The following KIF26B variants were observed in gnomAD, a reference collection of about 807,000 sequenced individuals.
The protein encoded by KIF26B is kinesin-like protein KIF26B.
A neutral mutation model predicts 151.2 loss-of-function variants in KIF26B; 63 were observed. That is an observed-to-expected ratio of 0.42 (90% CI 0.34 to 0.51). KIF26B has a LOEUF of 0.51. KIF26B is among the 20% of genes least tolerant of loss of function. KIF26B has a pLI of 0.07. For synonymous variants in KIF26B, 1,357 were observed against 1,262.1 expected (o/e 1.08, Z -1.59); for missense variants, 2,813 against 2,913.6 (o/e 0.97, Z 0.79).
chr1:245,185,921 C>T (rs1668993176), intron 2 of KIF26B, among the ~76,000 whole-genome samples: 2 of 152,058 alleles, frequency 1.3e-5, no homozygotes, highest in South Asian at 4.1e-4. Flanking sequence ...GTCGCCCAAG[C>T]TGGAGTGCGG....
intron 2 of KIF26B, among the ~76,000 whole-genome samples, chr1:245,249,290 A>G (rs1422666191): frequency 6.6e-6 from 1 of 151,674 alleles, no homozygotes; most frequent in Non-Finnish European, 1.5e-5. Flanking sequence ...TAGAAGAGAC[A>G]GGGTTTCACT....
At chr1:245,436,470 C>T (rs1429108912) in intron 4 of KIF26B, among the ~76,000 whole-genome samples, 1 of 152,166 alleles carries the variant, frequency 6.6e-6, no homozygotes, top group African/African-American at 2.4e-5. Context: ...CTGTGGTGTG[C>T]AAAGCTAAAG....
Position 245,367,425 on chromosome 1 carries a change from TA to T in KIF26B, c.999+59del. 1 of 1,435,396 alleles carries T rather than the reference TA, an allele frequency of 7.0e-7. No homozygotes were observed. Among genetic ancestry groups the T allele is most frequent in the Non-Finnish European group, 9.4e-7 (1 of 1,062,854 alleles). The allele number at this position is 1,435,396 out of a possible 1,614,324, so 88.9% of individuals were successfully genotyped here. ...GCTGGCTGGAGTCAAAGCGGAGAAG[TA>T]GGCAGCACTTCCTTCCGCTGCCTCC... On this transcript the variant is annotated intron_variant, in intron 3 of 14. Transcript: ENST00000407071. The surrounding 1 kb of genome is among the most constrained non-coding windows in gnomAD (Gnocchi z 4.2).
At chr1:245,287,128 A>T (rs553587081) in intron 2 of KIF26B, among the ~76,000 whole-genome samples, 38 of 152,296 alleles carry the variant, frequency 2.5e-4, no homozygotes, top group Non-Finnish European at 4.6e-4. Context: ...AAAATTTTTT[A>T]AAAAATTTTC....
intron 3 of KIF26B, among the ~76,000 whole-genome samples, chr1:245,403,393 C>A (rs1303410149): frequency 6.6e-6 from 1 of 152,226 alleles, no homozygotes; most frequent in South Asian, 2.1e-4. Context: ...ATTCTATTTC[C>A]TCAGTGGGCA....
intron 2 of KIF26B, among the ~76,000 whole-genome samples, chr1:245,259,934 CAAAAAAAAA>C (rs35913005): frequency 4.2e-5 from 3 of 72,016 alleles, no homozygotes; most frequent in African/African-American, 1.7e-4. Context: ...GGTCCTGTCT[CAAAAAAAAA>C]AAAAAAAAAA....
chr1:245,417,649 G>A (rs1674452876), intron 3 of KIF26B, among the ~76,000 whole-genome samples: 1 of 152,198 alleles, frequency 6.6e-6, no homozygotes, highest in African/African-American at 2.4e-5. Context: ...TTCTAGTCAG[G>A]AAGCTCGTGC....
chr1:245,173,651 C>T (rs188724340), intron 2 of KIF26B, among the ~76,000 whole-genome samples: 3 of 152,318 alleles, frequency 2.0e-5, no homozygotes, highest in Non-Finnish European at 4.4e-5. Flanking sequence ...GCCCTTCCTG[C>T]TCCCCGGCCT....
intron 3 of KIF26B, among the ~76,000 whole-genome samples, chr1:245,407,947 C>T (rs1674175902): frequency 7.2e-6 from 1 of 137,936 alleles, no homozygotes; most frequent in South Asian, 2.1e-4. Flanking sequence ...GAGGGGGTGG[C>T]GCTGATCATT....
intron 10 of KIF26B, among the ~76,000 whole-genome samples, chr1:245,682,700 A>G (rs1175437904): frequency 6.7e-6 from 1 of 149,260 alleles, no homozygotes. Context: ...CTACTCATGT[A>G]AGACCTGACT....
chr1:245,302,988 CAAA>C (rs74163037), intron 2 of KIF26B, among the ~76,000 whole-genome samples: 7 of 35,816 alleles, frequency 2.0e-4, no homozygotes, highest in East Asian at 1.1e-3. Context: ...GACTCTGTCT[CAAA>C]AAAAAAAAAA....
intron 2 of KIF26B, among the ~76,000 whole-genome samples, chr1:245,345,703 C>G (rs1039030562): frequency 2.0e-5 from 3 of 152,016 alleles, no homozygotes; most frequent in African/African-American, 7.3e-5. Context: ...CTCGTGAGAT[C>G]TGGTTGTTTA....
At chr1:245,588,812 C>T (rs2043255244) in intron 5 of KIF26B, among the ~76,000 whole-genome samples, 2 of 152,126 alleles carry the variant, frequency 1.3e-5, no homozygotes, top group Non-Finnish European at 2.9e-5. Context: ...TGGAATTGAA[C>T]AGATGCAGTC....
At chr1:245,591,288 A>G (rs1021470252) in intron 5 of KIF26B, among the ~76,000 whole-genome samples, 1 of 152,202 alleles carries the variant, frequency 6.6e-6, no homozygotes, top group African/African-American at 2.4e-5. Context: ...GTCTGCCTTC[A>G]GAGTTCATAG....
At chr1:245,661,126 A>G (rs12404617) in intron 10 of KIF26B, among the ~76,000 whole-genome samples, 48,640 of 151,070 alleles carry the variant, frequency 0.32, 9,710 homozygotes, top group Non-Finnish European at 0.44. Context: ...AGCCGGGATT[A>G]TTTGCGCCTG....
At chr1:245,675,003 C>G (rs1199802510) in intron 10 of KIF26B, among the ~76,000 whole-genome samples, 1 of 152,232 alleles carries the variant, frequency 6.6e-6, no homozygotes, top group Non-Finnish European at 1.5e-5. Context: ...CCCTCAGGCT[C>G]GTAATTCTCT....
At chr1:245,169,356 T>TGTGTGC (rs1668669869) in intron 2 of KIF26B, among the ~76,000 whole-genome samples, 1 of 151,950 alleles carries the variant, frequency 6.6e-6, no homozygotes. Flanking sequence ...TGTGTGTGTG[T>TGTGTGC]GTGTGTGCGC....
chr1:245,417,768 C>T (rs1187381616), intron 3 of KIF26B, among the ~76,000 whole-genome samples: 1 of 152,266 alleles, frequency 6.6e-6, no homozygotes, highest in Non-Finnish European at 1.5e-5. Context: ...AAAGCTGTGC[C>T]TCTGTGTCAG....
chr1:245,455,202 A>T (rs891322765), intron 4 of KIF26B, among the ~76,000 whole-genome samples: 2 of 152,056 alleles, frequency 1.3e-5, no homozygotes, highest in African/African-American at 4.8e-5. Flanking sequence ...AGCGTCTATC[A>T]CTTTTTAAAA....
Sources: gnomAD v4.1 joint callset for allele counts (sites outside exome capture counted in the v4.1 genomes callset) on GRCh38, gnomAD v4.1.1 for gene constraint, Gnocchi (gnomAD v3.1) non-coding constraint, MANE v1.5 for transcripts, NCBI Gene and HGNC (gene_info 2026-07-23, HGNC 2026-07-21) for gene names.